The following NEBL variants were observed in gnomAD, a reference collection of about 807,000 sequenced individuals.
NEBL encodes nebulette, also known as LIM and SH3 protein 2.
A neutral mutation model predicts 140.2 loss-of-function variants in NEBL; 122 were observed. The ratio of observed to expected loss-of-function variants is 0.87; its 90% CI spans 0.75 to 1.01. NEBL has a LOEUF of 1.01. Ranked by LOEUF, NEBL falls within the 50% of genes least tolerant of loss-of-function variation. NEBL has a pLI of 0.00. For missense variants in NEBL, 1,365 were observed against 1,231.3 expected (o/e 1.11, Z -1.62); for synonymous variants, 436 against 398.9 (o/e 1.09, Z -1.11).
intron 2 of NEBL, among the ~76,000 whole-genome samples, chr10:21,047,334 G>A (rs954821074): frequency 3.9e-5 from 6 of 152,052 alleles, no homozygotes; most frequent in Non-Finnish European, 8.8e-5. Flanking sequence ...ATCCTTCCTG[G>A]GAGCTCTGTG....
intron 5 of NEBL, among the ~76,000 whole-genome samples, chr10:20,874,768 C>A (rs1845319835): frequency 6.6e-6 from 1 of 152,096 alleles, no homozygotes; most frequent in South Asian, 2.1e-4. Flanking sequence ...AAGATGAAGT[C>A]TTGCTATGTC....
chr10:21,085,505 C>T (rs185855778), intron 2 of NEBL, among the ~76,000 whole-genome samples: 1 of 152,206 alleles, frequency 6.6e-6, no homozygotes, highest in East Asian at 1.9e-4. Context: ...CATAGTGGTG[C>T]ACACCGATGG....
At chr10:20,998,595 C>G (rs1481108739) in intron 3 of NEBL, among the ~76,000 whole-genome samples, 1 of 152,044 alleles carries the variant, frequency 6.6e-6, no homozygotes, top group Non-Finnish European at 1.5e-5. Flanking sequence ...CATAAAAATG[C>G]TACGTCTACA....
At chr10:21,218,247 A>G (rs9988757) in intron 3 of NEBL, 43,078 of 152,082 alleles carry the variant, frequency 0.28, 10,994 homozygotes, top group African/African-American at 0.69. Flanking sequence ...GTGGGAAAAG[A>G]CACAACACTC....
intron 4 of NEBL, among the ~76,000 whole-genome samples, chr10:20,951,525 T>C (rs1315661677): frequency 1.3e-5 from 2 of 152,172 alleles, no homozygotes; most frequent in African/African-American, 4.8e-5. Context: ...TAAAATTTTC[T>C]CTAATTGTAT....
At chr10:21,017,163 G>C (rs1838588099) in intron 3 of NEBL, among the ~76,000 whole-genome samples, 1 of 152,148 alleles carries the variant, frequency 6.6e-6, no homozygotes, top group Admixed American at 6.5e-5. Context: ...TCTAAAGGTT[G>C]AATGTGTTAC....
intron 7 of NEBL, 40 bp downstream of exon 7, chr10:20,868,623 AT>A: frequency 7.6e-7 from 1 of 1,319,578 alleles, no homozygotes; most frequent in South Asian, 1.2e-5. Flanking sequence ...GAAACAAAAT[AT>A]CTGAATAAAG....
At chr10:20,792,010 A>T (rs1346143819) in intron 26 of NEBL, among the ~76,000 whole-genome samples, 3 of 152,126 alleles carry the variant, frequency 2.0e-5, no homozygotes, top group Non-Finnish European at 2.9e-5. Flanking sequence ...CAGCAAAAAA[A>T]TTATTTGTGC....
intron 3 of NEBL, among the ~76,000 whole-genome samples, chr10:21,243,469 G>A (rs1027872657): frequency 6.6e-6 from 1 of 151,760 alleles, no homozygotes; most frequent in South Asian, 2.1e-4. Context: ...ATCACGCCTC[G>A]CTAATTTTTG....
rs1835256102 is a variant in NEBL at position 20,784,554 on chromosome 10, T to C, written c.*1193A>G. The C allele has an allele frequency of 6.6e-6, 1 of 152,190 alleles. No individual in the cohort carries two copies. The highest frequency in any genetic ancestry group is 2.4e-5 in the African/African-American group (1 of 41,442). 9.4% of individuals were successfully genotyped at this position (152,190 alleles called of 1,614,324 possible). On this transcript the variant is annotated 3_prime_UTR_variant, in exon 28 of 28. Coordinates refer to ENST00000377122, the MANE Select transcript of NEBL (RefSeq NM_006393.3). ...ATTAACCCGTTTTGGTGGCTAGATT[T>C]CCATTCCAGAATTTGAATACCATTT...
At chr10:21,261,185 C>A (rs1239150781) in intron 1 of NEBL, among the ~76,000 whole-genome samples, 1 of 152,142 alleles carries the variant, frequency 6.6e-6, no homozygotes, top group Non-Finnish European at 1.5e-5. Flanking sequence ...TGTCTGAATA[C>A]ACATGAAACA....
At chr10:20,976,325 G>C (rs1836796137) in intron 3 of NEBL, among the ~76,000 whole-genome samples, 1 of 148,350 alleles carries the variant, frequency 6.7e-6, no homozygotes. Context: ...CTGGGCGACT[G>C]AGACTCTATA....
At chr10:20,977,338 C>T (rs11813157) in intron 3 of NEBL, among the ~76,000 whole-genome samples, 54 of 152,320 alleles carry the variant, frequency 3.5e-4, no homozygotes, top group African/African-American at 1.3e-3. Flanking sequence ...TCCCCCATTT[C>T]TTAACCAATG....
At chr10:21,109,132 G>A (rs1279802661) in intron 2 of NEBL, among the ~76,000 whole-genome samples, 1 of 152,036 alleles carries the variant, frequency 6.6e-6, no homozygotes, top group Non-Finnish European at 1.5e-5. Flanking sequence ...ATTGGCTGTG[G>A]GTTTGTCATA....
intron 3 of NEBL, among the ~76,000 whole-genome samples, chr10:21,224,049 T>C (rs1426537760): frequency 6.6e-6 from 1 of 152,222 alleles, no homozygotes; most frequent in Non-Finnish European, 1.5e-5. Context: ...ATCCCATTTG[T>C]CCATTTTTGC....
At chr10:21,165,602 G>A (rs573350651) in intron 2 of NEBL, among the ~76,000 whole-genome samples, 1 of 152,194 alleles carries the variant, frequency 6.6e-6, no homozygotes, top group East Asian at 1.9e-4. Flanking sequence ...GCTCATCTAC[G>A]GCCATACCAC....
intron 18 of NEBL, 94 bp downstream of exon 18, chr10:20,826,353 G>T: frequency 1.0e-6 from 1 of 973,652 alleles, no homozygotes; most frequent in Non-Finnish European, 1.6e-6. Context: ...AGAATAAAAG[G>T]AAAAAAGCCA....
intron 4 of NEBL, among the ~76,000 whole-genome samples, chr10:20,881,292 C>T (rs1845994001): frequency 6.6e-6 from 1 of 152,152 alleles, no homozygotes; most frequent in African/African-American, 2.4e-5. Context: ...AAATTGTTTT[C>T]AAATGATTGG....
rs771069699 is a variant in NEBL at position 20,916,595 on chromosome 10, C to T, written c.357+45077G>A. Among the ~76,000 whole-genome samples the T allele has an allele frequency of 4.6e-5, 7 of 152,112 alleles. No homozygotes were observed. The East Asian group carries it at 9.7e-4, about 21-fold the overall frequency. On this transcript the variant is annotated intron_variant, in intron 4 of 6. Coordinates refer to the NEBL transcript ENST00000417816. The stretch of plus-strand genomic sequence containing the variant: ...GCTAATTTTTTTGTAATTTTAGTAG[C>T]GACAAGGTTTCACCATGTTGGCCAG...
Sources: gnomAD v4.1 joint callset for allele counts (sites outside exome capture counted in the v4.1 genomes callset) on GRCh38, gnomAD v4.1.1 for gene constraint, MANE v1.5 for transcripts, NCBI Gene and HGNC (gene_info 2026-07-23, HGNC 2026-07-21) for gene names.